The following ARFGEF3 variants were observed in gnomAD, a reference collection of about 807,000 sequenced individuals.
ARFGEF3 encodes brefeldin A-inhibited guanine nucleotide-exchange protein 3.
A neutral mutation model predicts 221.7 loss-of-function variants in ARFGEF3; 96 were observed. That is an observed-to-expected ratio of 0.43 (90% CI 0.37 to 0.51). The LOEUF is 0.51. ARFGEF3 is among the 20% of genes least tolerant of loss of function. ARFGEF3 has a pLI of 0.00. For missense variants in ARFGEF3, 2,410 were observed against 2,789.9 expected, an observed-to-expected ratio of 0.86 and a Z score of 3.07; for synonymous variants, 1,145 against 1,126.8, an observed-to-expected ratio of 1.02 and a Z score of -0.32.
intron 20 of ARFGEF3, among the ~76,000 whole-genome samples, chr6:138,295,485 C>T (rs900654907): frequency 6.6e-6 from 1 of 151,278 alleles, no homozygotes; most frequent in African/African-American, 2.4e-5. Flanking sequence ...AAAAAATTAG[C>T]CGGGTGTCAT....
At chr6:138,275,664 A>C (rs939978322) in intron 12 of ARFGEF3, among the ~76,000 whole-genome samples, 1 of 152,000 alleles carries the variant, frequency 6.6e-6, no homozygotes, top group Non-Finnish European at 1.5e-5. Flanking sequence ...GAATTGCTTG[A>C]ACCCGGGAGG....
intron 13 of ARFGEF3, among the ~76,000 whole-genome samples, chr6:138,279,587 A>G (rs902683902): frequency 1.3e-5 from 2 of 152,212 alleles, no homozygotes; most frequent in Non-Finnish European, 1.5e-5. Context: ...ATTCCCAAAG[A>G]TAAGTGATTG....
At chr6:138,316,096 G>A (rs1251779269) in intron 26 of ARFGEF3, among the ~76,000 whole-genome samples, 1 of 152,098 alleles carries the variant, frequency 6.6e-6, no homozygotes, top group East Asian at 1.9e-4. Context: ...AAACGGTTGG[G>A]TATGTAACGT....
chr6:138,175,120 A>G (rs1776913932), intron 2 of ARFGEF3, among the ~76,000 whole-genome samples: 1 of 152,224 alleles, frequency 6.6e-6, no homozygotes, highest in Non-Finnish European at 1.5e-5. Context: ...TCTGTCACTG[A>G]TGAAATGCTC....
intron 4 of ARFGEF3, chr6:138,217,220 A>C (rs1777884430): frequency 6.6e-6 from 1 of 152,276 alleles, no homozygotes; most frequent in South Asian, 2.1e-4. Context: ...AAGTGTCTTT[A>C]AACTTTTCTC....
intron 28 of ARFGEF3, among the ~76,000 whole-genome samples, chr6:138,320,641 C>A (rs1474148101): frequency 6.6e-6 from 1 of 152,118 alleles, no homozygotes; most frequent in Non-Finnish European, 1.5e-5. Context: ...GGGAGACTAA[C>A]AAAGCTAATA....
intron 27 of ARFGEF3, among the ~76,000 whole-genome samples, chr6:138,318,508 GAAT>G (rs979775200): frequency 2.0e-5 from 3 of 152,126 alleles, no homozygotes; most frequent in African/African-American, 7.2e-5. Context: ...TAATATTTGT[GAAT>G]AATATTTAAT....
intron 26 of ARFGEF3, among the ~76,000 whole-genome samples, chr6:138,314,407 C>T (rs965315839): frequency 6.6e-6 from 1 of 152,174 alleles, no homozygotes; most frequent in African/African-American, 2.4e-5. Flanking sequence ...TGTTGGGGGA[C>T]ACATTCAAAC....
At chr6:138,324,499 A>G (rs1161776896) in intron 31 of ARFGEF3, among the ~76,000 whole-genome samples, 1 of 152,224 alleles carries the variant, frequency 6.6e-6, no homozygotes, top group African/African-American at 2.4e-5. Context: ...GTGCCTAACA[A>G]TGGCAAACTT....
rs1262403298 is a variant in ARFGEF3 at position 138,344,591 on chromosome 6, G to A, written c.*8105G>A. ...TTGTATTTATGTTGCTTGTGTTGTA[G>A]AATAAAGATTCAAATGCATTAAAAA... On this transcript the variant is annotated 3_prime_UTR_variant, in exon 34 of 34. Transcript: ENST00000251691. 2 of 152,076 alleles carry A rather than the reference G, an allele frequency of 1.3e-5. No homozygotes were observed. The highest frequency in any genetic ancestry group is 4.8e-5 in the African/African-American group (2 of 41,416). The allele number at this position is 152,076 out of a possible 1,614,324, so 9.4% of individuals were successfully genotyped here.
intron 14 of ARFGEF3, among the ~76,000 whole-genome samples, chr6:138,281,366 T>C (rs1006314437): frequency 1.1e-4 from 17 of 152,212 alleles, no homozygotes; most frequent in Non-Finnish European, 1.5e-5. Flanking sequence ...GCAGGTTTGT[T>C]ACCTGGGCAT....
chr6:138,259,495 C>T (rs1350718913), intron 10 of ARFGEF3, among the ~76,000 whole-genome samples: 1 of 152,212 alleles, frequency 6.6e-6, no homozygotes, highest in Non-Finnish European at 1.5e-5. Context: ...GCCCCCCAGC[C>T]ACTGATCCCA....
intron 12 of ARFGEF3, among the ~76,000 whole-genome samples, chr6:138,270,427 G>GAGACACACACACACACACAC (rs375236767): frequency 1.4e-5 from 2 of 139,512 alleles, no homozygotes; most frequent in South Asian, 4.8e-4. Context: ...ATTTTACGTA[G>GAGACACACACACACACACAC]ACACACACAC....
intron 2 of ARFGEF3, among the ~76,000 whole-genome samples, chr6:138,181,814 T>C (rs1429576288): frequency 6.6e-6 from 1 of 152,224 alleles, no homozygotes; most frequent in Non-Finnish European, 1.5e-5. Flanking sequence ...GTTTTCATCA[T>C]TAAACTGTGC....
chr6:138,245,777 A>G (rs1450174115), intron 8 of ARFGEF3, among the ~76,000 whole-genome samples, 186 bp downstream of exon 8: 1 of 152,236 alleles, frequency 6.6e-6, no homozygotes, highest in Non-Finnish European at 1.5e-5. Flanking sequence ...TCAAATAACC[A>G]AATACCATTA....
intron 1 of ARFGEF3, among the ~76,000 whole-genome samples, chr6:138,163,976 T>C (rs950858972): frequency 2.0e-5 from 3 of 152,104 alleles, no homozygotes; most frequent in African/African-American, 7.2e-5. Context: ...ACTTGAAGAA[T>C]GGGGAAGCTA....
chr6:138,202,772 C>T (rs1225872223), intron 2 of ARFGEF3, among the ~76,000 whole-genome samples: 2 of 151,756 alleles, frequency 1.3e-5, no homozygotes, highest in Admixed American at 6.6e-5. Context: ...AACTACTTTG[C>T]AATAAATAGC....
intron 32 of ARFGEF3, among the ~76,000 whole-genome samples, chr6:138,328,438 G>A (rs77323953): frequency 1.3e-5 from 2 of 152,148 alleles, no homozygotes; most frequent in East Asian, 1.9e-4. Flanking sequence ...TTCCTCCGAG[G>A]TCTATCTCCT....
chr6:138,236,130 G>A (rs1287508996), intron 5 of ARFGEF3, among the ~76,000 whole-genome samples: 3 of 152,188 alleles, frequency 2.0e-5, no homozygotes, highest in Admixed American at 6.5e-5. Flanking sequence ...AGTGAATGAT[G>A]TAATTTTTTA....
Sources: gnomAD v4.1 joint callset for allele counts (sites outside exome capture counted in the v4.1 genomes callset) on GRCh38, gnomAD v4.1.1 for gene constraint, MANE v1.5 for transcripts, NCBI Gene and HGNC (gene_info 2026-07-23, HGNC 2026-07-21) for gene names.